Variants in ATP10B observed in about 807,000 individuals in gnomAD.
The protein encoded by ATP10B is phospholipid-transporting ATPase VB.
ATP10B carries 122 observed loss-of-function variants against 141.2 expected under a neutral mutation model. The ratio of observed to expected loss-of-function variants is 0.86; its 90% CI spans 0.75 to 1.00. ATP10B has a LOEUF of 1.00. Ranked by LOEUF, ATP10B falls within the 50% of genes least tolerant of loss-of-function variation. ATP10B has a pLI of 0.00. For synonymous variants in ATP10B, 685 were observed against 692.0 expected, an observed-to-expected ratio of 0.99 and a Z score of 0.16; for missense variants, 1,876 against 1,825.3, an observed-to-expected ratio of 1.03 and a Z score of -0.51.
intron 6 of ATP10B, among the ~76,000 whole-genome samples, chr5:160,683,953 G>C (rs1479802744): frequency 6.6e-6 from 1 of 152,182 alleles, no homozygotes; most frequent in African/African-American, 2.4e-5. Context: ...AACCTTTGTA[G>C]AACAATGACA....
chr5:160,746,825 C>T (rs886712884), intron 2 of ATP10B, among the ~76,000 whole-genome samples: 1 of 152,216 alleles, frequency 6.6e-6, no homozygotes, highest in Non-Finnish European at 1.5e-5. Flanking sequence ...AAGACCATCT[C>T]ATTCCTCAAA....
chr5:160,646,281 T>C (rs868220221), intron 8 of ATP10B, among the ~76,000 whole-genome samples: 15 of 152,204 alleles, frequency 9.9e-5, no homozygotes, highest in Non-Finnish European at 1.5e-4. Context: ...GCTGAATATG[T>C]CAAGGAGGAT....
At chr5:160,690,773 T>C (rs1376235811) in intron 3 of ATP10B, among the ~76,000 whole-genome samples, 1 of 152,188 alleles carries the variant, frequency 6.6e-6, no homozygotes, top group Non-Finnish European at 1.5e-5. Flanking sequence ...GTAAATTAGT[T>C]CAATCATTGT....
At chr5:160,609,346 G>T (rs1323451331) in intron 18 of ATP10B, among the ~76,000 whole-genome samples, 3 of 151,570 alleles carry the variant, frequency 2.0e-5, no homozygotes, top group Non-Finnish European at 4.4e-5. Context: ...GAGATTTAGA[G>T]ATTTCTGTGT....
intron 1 of ATP10B, among the ~76,000 whole-genome samples, chr5:160,807,204 C>T (rs1772837205): frequency 6.6e-6 from 1 of 152,130 alleles, no homozygotes; most frequent in African/African-American, 2.4e-5. Flanking sequence ...ATAAAATTTA[C>T]ATGTATGTTT....
intron 12 of ATP10B, chr5:160,632,997 G>A (rs1759051296): frequency 6.6e-6 from 1 of 152,192 alleles, no homozygotes; most frequent in Non-Finnish European, 1.5e-5. Flanking sequence ...TTAGAGAAAT[G>A]CAAATCAAAA....
intron 1 of ATP10B, among the ~76,000 whole-genome samples, chr5:160,819,924 A>C (rs1420821776): frequency 6.6e-6 from 1 of 152,066 alleles, no homozygotes; most frequent in Non-Finnish European, 1.5e-5. Context: ...AAAAAAGAAG[A>C]AAGACTTCAA....
intron 2 of ATP10B, among the ~76,000 whole-genome samples, chr5:160,779,598 C>T (rs1030081066): frequency 2.0e-5 from 3 of 152,126 alleles, no homozygotes; most frequent in Non-Finnish European, 4.4e-5. Context: ...TGGATCCTTC[C>T]CCAGTTGAGC....
At chr5:160,915,917 C>T in the ATP10B span, among the ~76,000 whole-genome samples, 1 of 152,300 alleles carries the variant, frequency 6.6e-6, no homozygotes, top group East Asian at 1.9e-4. Flanking sequence ...GTGTTTTATA[C>T]CAGCATACTG....
At chr5:160,617,994 C>T (rs759029686) in intron 15 of ATP10B, 21 bp from the exon 16 acceptor site, 22 of 1,578,306 alleles carry the variant, frequency 1.4e-5, no homozygotes, top group African/African-American at 4.1e-5. Context: ...GCCATTTTCC[C>T]GCATGAGGCC....
intron 1 of ATP10B, among the ~76,000 whole-genome samples, chr5:160,820,233 A>C (rs983788788): frequency 6.6e-6 from 1 of 152,028 alleles, no homozygotes; most frequent in Non-Finnish European, 1.5e-5. Flanking sequence ...TATCATTAGC[A>C]GGTACTAAGA....
chr5:160,709,170 C>G (rs1030994120), intron 3 of ATP10B, among the ~76,000 whole-genome samples: 1 of 152,056 alleles, frequency 6.6e-6, no homozygotes, highest in Admixed American at 6.6e-5. Flanking sequence ...AGGATTAAAA[C>G]AAAATACAAG....
intron 22 of ATP10B, among the ~76,000 whole-genome samples, chr5:160,592,462 G>T (rs1418810698): frequency 1.3e-5 from 2 of 152,200 alleles, no homozygotes; most frequent in Non-Finnish European, 2.9e-5. Context: ...AACAGCTCTG[G>T]TCTACAGCTC....
intron 2 of ATP10B, among the ~76,000 whole-genome samples, chr5:160,756,879 C>A (rs957973245): frequency 1.3e-5 from 2 of 151,888 alleles, no homozygotes; most frequent in Non-Finnish European, 2.9e-5. Context: ...ATACATGTCA[C>A]GCGAATATTT....
chr5:160,696,173 C>A (rs1721025659), intron 3 of ATP10B, among the ~76,000 whole-genome samples: 1 of 152,142 alleles, frequency 6.6e-6, no homozygotes, highest in Non-Finnish European at 1.5e-5. Flanking sequence ...ATGGCATGAT[C>A]TTGGCTCACT....
chr5:160,915,518 G>A, the ATP10B span, among the ~76,000 whole-genome samples: 2 of 152,130 alleles, frequency 1.3e-5, no homozygotes, highest in African/African-American at 4.8e-5. Flanking sequence ...TTTTAGCAGA[G>A]ATGGGGTTTT....
At chr5:160,580,687 A>T (rs1283989374) in intron 24 of ATP10B, among the ~76,000 whole-genome samples, 1 of 152,108 alleles carries the variant, frequency 6.6e-6, no homozygotes, top group Non-Finnish European at 1.5e-5. Context: ...TGAGTTAGGG[A>T]GGAGTCCCTC....
At chr5:160,730,982 G>A (rs560067941) in intron 2 of ATP10B, among the ~76,000 whole-genome samples, 2 of 152,058 alleles carry the variant, frequency 1.3e-5, no homozygotes, top group Non-Finnish European at 2.9e-5. Context: ...GCCATTCTCT[G>A]GGTTCTCTGT....
chr5:160,586,901 C>T (rs966837134), intron 24 of ATP10B, among the ~76,000 whole-genome samples: 14 of 152,062 alleles, frequency 9.2e-5, no homozygotes, highest in African/African-American at 1.9e-4. Flanking sequence ...AAATTTTCTC[C>T]CATTCTGTAG....
Sources: gnomAD v4.1 joint callset for allele counts (sites outside exome capture counted in the v4.1 genomes callset) on GRCh38, gnomAD v4.1.1 for gene constraint, MANE v1.5 for transcripts, NCBI Gene and HGNC (gene_info 2026-07-23, HGNC 2026-07-21) for gene names.